CARD19: variants seen among roughly 807,000 people sequenced by gnomAD.
CARD19 encodes caspase recruitment domain family member 19, also known as caspase recruitment domain-containing protein 19.
In CARD19, 25 loss-of-function variants were observed where a neutral mutation model predicts 24.1. That is an observed-to-expected ratio of 1.04 (90% CI 0.76 to 1.45). The LOEUF (loss-of-function observed/expected upper bound fraction) is 1.45, where lower values mean the gene tolerates loss of function less well. Ranked by LOEUF, CARD19 falls within the 40% of genes most tolerant of loss-of-function variation. CARD19 has a pLI of 0.00. For synonymous variants in CARD19, 103 were observed against 104.9 expected (o/e 0.98, Z 0.11); for missense variants, 241 against 247.4 (o/e 0.97, Z 0.17).
At position 93,110,609 on chromosome 9, in the gene CARD19, C is replaced by T. The variant is rs1324576651; in HGVS notation, c.192C>T (p.Asp64=). 3.7e-6 allele frequency: 6 copies of T among 1,613,342 alleles called. No individual in the cohort carries two copies. The highest frequency in any genetic ancestry group is 5.1e-6 in the Non-Finnish European group (6 of 1,179,648). ...CATCCTTGCGTGTGCGGCTCTGTGA[C>T]CTCCTGAGCCACCTGCAGCGGAGCG... The part of the protein sequence containing the change: ...PKASLRVRLC[D]LLSHLQRSGE... Residue 64 remains aspartate, a synonymous_variant, in exon 3 of 6, where the codon GAC becomes GAT. Transcript: ENST00000375464.
At chr9:93,111,456 G>C (rs1196413785) in intron 3 of CARD19, 1 of 1,075,252 alleles carries the variant, frequency 9.3e-7, no homozygotes, top group African/African-American at 1.7e-5. Flanking sequence ...CTTGTCCCAG[G>C]CTACTGGGCT....
In CARD19 at chr9:93,113,281, T is replaced by A; in HGVS notation, c.*174T>A. 2.0e-6 allele frequency: 1 copy of A among 493,870 alleles called. No individual in the cohort carries two copies. Among genetic ancestry groups the A allele is most frequent in the Admixed American group, 3.8e-5 (1 of 26,576 alleles). The allele number at this position is 493,870 out of a possible 1,614,324, so 30.6% of individuals were successfully genotyped here. A position where few individuals can be genotyped will look rare whatever the true frequency, so the allele number is the denominator to read the frequency against. ...GACCATATTAAATGTTCAGGTTCTC[T>A]CAGCCTGCCTCGTTCCTCAGTCTCA... On this transcript the variant is annotated 3_prime_UTR_variant, in exon 6 of 6. Transcript: ENST00000375464.
intron 1 of CARD19, among the ~76,000 whole-genome samples, chr9:93,104,442 T>C (rs919023389): frequency 7.1e-6 from 1 of 140,446 alleles, no homozygotes; most frequent in Non-Finnish European, 1.6e-5. Context: ...GAATTAGTTA[T>C]GAAGTGTTCT....
chr9:93,101,993 G>A (rs1402663049), intron 1 of CARD19, among the ~76,000 whole-genome samples: 5 of 141,324 alleles, frequency 3.5e-5, no homozygotes, highest in East Asian at 2.1e-4. Context: ...ACCAAGTCTC[G>A]CTCTGTTTCC....
At chr9:93,108,767 C>G (rs938020262) in intron 2 of CARD19, among the ~76,000 whole-genome samples, 1 of 152,250 alleles carries the variant, frequency 6.6e-6, no homozygotes, top group Non-Finnish European at 1.5e-5. Context: ...TCACATGGCC[C>G]TGGCCTCTCA....
rs1366848018 is a variant in CARD19, at chr9:93,096,954, AC to A, written c.7+608del. 1.3e-5 allele frequency among the ~76,000 whole-genome samples: 2 copies of A among 151,422 alleles called. No homozygotes were observed. The highest frequency in any genetic ancestry group is 2.9e-5 in the Non-Finnish European group (2 of 67,832). On this transcript the variant is annotated intron_variant, in intron 1 of 5. Coordinates refer to ENST00000375464, the MANE Select transcript of CARD19 (RefSeq NM_032310.5). The surrounding 1 kb of genome is among the most constrained non-coding windows in gnomAD (Gnocchi z 5.4). The stretch of plus-strand genomic sequence containing the variant: ...TAAGAGAATCGGGGACAGCGACTGG[AC>A]CCCCCAAGGTTGTTGTGCTCCACGC...
Position 93,107,750 on chromosome 9 carries a change from G to T in CARD19, c.84G>T (p.Val28=). The change falls in exon 2 of 6, where the codon GTG becomes GTT. Residue 28 remains valine (V), a synonymous_variant. Coordinates refer to ENST00000375464, the MANE Select transcript of CARD19 (RefSeq NM_032310.5). ...TGHGRLSEQQ[V]DRIILQLNRY... is the part of the protein sequence containing the mutation. ...ATGGGCGCTTGAGTGAGCAGCAGGT[G>T]GACAGGATCATCCTCCAGCTGAACC... 1 of 1,614,228 alleles carries T rather than the reference G, an allele frequency of 6.2e-7. No homozygotes were observed. The highest frequency in any genetic ancestry group is 8.5e-7 in the Non-Finnish European group (1 of 1,180,038).
rs56137204 is a variant in CARD19, at chr9:93,106,414, T to TAA, written c.8-1245_8-1244dup. Reference sequence around the variant, plus strand: ...CAACATGGTGAAACCCTGTCTCTACTAAAAAAAAAAAAAAAATACAAAAAC... The same window carrying TAA: ...CAACATGGTGAAACCCTGTCTCTACTAAAAAAAAAAAAAAAAAATACAAAAAC... On this transcript the variant is annotated intron_variant, in intron 1 of 5. Coordinates refer to ENST00000375464, the MANE Select transcript of CARD19 (RefSeq NM_032310.5). Among the ~76,000 whole-genome samples, 403 of 102,892 alleles carry TAA rather than the reference T, an allele frequency of 3.9e-3. 11 individuals carry two copies. The highest frequency in any genetic ancestry group is 0.017 in the East Asian group (64 of 3,696). The allele number at this position is 102,892 out of a possible 152,430, so 67.5% of individuals were successfully genotyped here.
Position 93,110,704 on chromosome 9 carries a change from C to G in CARD19, c.287C>G (p.Pro96Arg). The G allele has an allele frequency of 6.2e-7, 1 of 1,611,952 alleles. No homozygotes were observed. The highest frequency in any genetic ancestry group is 1.7e-4 in the Middle Eastern group (1 of 6,060). The change falls in exon 3 of 6, where the codon CCC becomes CGC. Residue 96 changes from proline to arginine, a missense_variant. By Grantham distance (103) the Pro-to-Arg change is moderately radical (BLOSUM62 -2). Transcript: ENST00000375464. ...IHAQPLHSRL[P>R]SRHALQNSDC... ...GCCCAGCCCCTGCACAGCCGCCTGC[C>G]CAGCCGCCACGCTCTGCGTAAGTTC...
Position 93,113,092 on chromosome 9 carries a change from C to T in CARD19, c.537C>T (p.Asp179=). 1 of 1,577,720 alleles carries T rather than the reference C, an allele frequency of 6.3e-7. No individual in the cohort carries two copies. The highest frequency in any genetic ancestry group is 8.6e-7 in the Non-Finnish European group (1 of 1,160,610). Residue 179 remains aspartate (D), a synonymous_variant, in exon 6 of 6, where the codon GAC becomes GAT. Coordinates refer to ENST00000375464, the MANE Select transcript of CARD19 (RefSeq NM_032310.5). ...SRYLLAFLAD[D]LGGL is the part of the protein sequence containing the mutation. ...ACCTGCTGGCCTTCCTGGCAGATGA[C>T]CTAGGGGGGCTCTGACAGACCCTGG... is the stretch of plus-strand genomic sequence containing the variant.
intron 5 of CARD19, among the ~76,000 whole-genome samples, chr9:93,112,673 C>T (rs1213881519): frequency 6.6e-6 from 1 of 152,174 alleles, no homozygotes; most frequent in Admixed American, 6.5e-5. Context: ...CCTTCCAGGG[C>T]CCCTCTACTG....
chr9:93,112,171 C>A (rs1298408612), intron 4 of CARD19, 47 bp from the exon 5 acceptor site: 1 of 1,521,146 alleles, frequency 6.6e-7, no homozygotes, highest in Non-Finnish European at 8.9e-7. Context: ...CAGGACCCCA[C>A]CCCTCTGAGG....
At chr9:93,098,085 G>T (rs894983030) in intron 1 of CARD19, among the ~76,000 whole-genome samples, 3 of 152,252 alleles carry the variant, frequency 2.0e-5, no homozygotes, top group Non-Finnish European at 4.4e-5. Context: ...CGCTGAGGAG[G>T]TGTCTGCGTG....
Position 93,112,350 on chromosome 9 carries a change from C to T in CARD19, c.436+61C>T, listed in dbSNP as rs922122618. 5.5e-6 allele frequency: 8 copies of T among 1,446,812 alleles called. No homozygotes were observed. In the African/African-American group the frequency reaches 9.8e-5, roughly 18 times the overall value. 89.6% of individuals were successfully genotyped at this position (1,446,812 alleles called of 1,614,324 possible). Reference sequence around the variant, plus strand: ...CCTCCCCTCTGCCACCAAGCCAGGGCCCCAGACCCTGCCCAATTTGGGACC... The same window carrying T: ...CCTCCCCTCTGCCACCAAGCCAGGGTCCCAGACCCTGCCCAATTTGGGACC... On this transcript the variant is annotated intron_variant, in intron 5 of 5. Coordinates refer to ENST00000375464, the MANE Select transcript of CARD19 (RefSeq NM_032310.5).
intron 1 of CARD19, among the ~76,000 whole-genome samples, chr9:93,104,969 A>G (rs895846378): frequency 5.3e-5 from 8 of 151,974 alleles, no homozygotes; most frequent in African/African-American, 1.9e-4. Context: ...TCTTGATTAT[A>G]TCCTTCCTTC....
At chr9:93,111,050 C>T (rs2130731193) in intron 3 of CARD19, 2 of 1,390,792 alleles carry the variant, frequency 1.4e-6, no homozygotes, top group East Asian at 3.6e-5. Flanking sequence ...CACGGGGATC[C>T]CTTCATGTCT....
chr9:93,103,419 A>C (rs894254434), intron 1 of CARD19, among the ~76,000 whole-genome samples: 2 of 152,224 alleles, frequency 1.3e-5, no homozygotes, highest in Non-Finnish European at 2.9e-5. Context: ...GGTTACTTAT[A>C]ATACCTAACA....
intron 3 of CARD19, 136 bp from the exon 4 acceptor site, chr9:93,111,743 C>A: frequency 6.7e-7 from 1 of 1,486,840 alleles, no homozygotes. Context: ...CTGAGGAGGG[C>A]TAGCCTCAGG....
chr9:93,109,422 G>C (rs1827379514), intron 2 of CARD19, among the ~76,000 whole-genome samples: 1 of 151,534 alleles, frequency 6.6e-6, no homozygotes, highest in Non-Finnish European at 1.5e-5. Context: ...CTGACCTTGA[G>C]AACCACACAT....
Sources: gnomAD v4.1 joint callset for allele counts (sites outside exome capture counted in the v4.1 genomes callset) on GRCh38, gnomAD v4.1.1 for gene constraint, Gnocchi (gnomAD v3.1) non-coding constraint, MANE v1.5 for transcripts, NCBI Gene and HGNC (gene_info 2026-07-23, HGNC 2026-07-21) for gene names.